Variants in RUNX2 observed in about 807,000 individuals in gnomAD.
The protein encoded by RUNX2 is runt-related transcription factor 2.
Under a neutral mutation model 51.7 loss-of-function variants are expected in RUNX2, and 10 were observed. The ratio of observed to expected loss-of-function variants is 0.19; its 90% CI spans 0.12 to 0.33. RUNX2 has a LOEUF of 0.33. RUNX2 is among the 10% of genes least tolerant of loss of function. The pLI, the probability that RUNX2 is intolerant of heterozygous loss-of-function variation, is 1.00. For missense variants in RUNX2, 562 were observed against 691.3 expected (o/e 0.81, Z 2.10); for synonymous variants, 276 against 273.6 (o/e 1.01, Z -0.09).
At chr6:45,399,811 G>A (rs184591207) in intron 2 of RUNX2, among the ~76,000 whole-genome samples, 5 of 149,002 alleles carry the variant, frequency 3.4e-5, no homozygotes, top group African/African-American at 1.2e-4. Flanking sequence ...AGGAAGGAGG[G>A]AGGGAAGTAA....
At chr6:45,344,461 T>C (rs1288766989) in intron 2 of RUNX2, among the ~76,000 whole-genome samples, 1 of 152,002 alleles carries the variant, frequency 6.6e-6, no homozygotes, top group Non-Finnish European at 1.5e-5. Flanking sequence ...CATGTCCAAA[T>C]GAGCAGTGCC....
Position 45,488,108 on chromosome 6 carries a change from A to C in RUNX2, c.686-3833A>C, listed in dbSNP as rs556763859. Among the ~76,000 whole-genome samples the C allele has an allele frequency of 2.6e-5, 4 of 152,292 alleles. No homozygotes were observed. In the South Asian group the frequency reaches 6.2e-4, roughly 24 times the overall value. ...GACAGATTTTCAGCTGCCCAGAGAG[A>C]AATGCTAGAGTCTTAGGCCAAGGTT... On this transcript the variant is annotated intron_variant, in intron 5 of 8. Coordinates refer to ENST00000647337, the MANE Select transcript of RUNX2 (RefSeq NM_001024630.4).
chr6:45,430,148 C>T (rs2088375531), intron 3 of RUNX2, among the ~76,000 whole-genome samples: 2 of 151,672 alleles, frequency 1.3e-5, no homozygotes, highest in Non-Finnish European at 2.9e-5. Context: ...CTTTTGGGAG[C>T]AGGGTTGATA....
intron 2 of RUNX2, among the ~76,000 whole-genome samples, chr6:45,401,840 G>A (rs1034872785): frequency 2.0e-5 from 3 of 152,212 alleles, no homozygotes; most frequent in Admixed American, 2.0e-4. Context: ...AGTTCAGATG[G>A]TTCTAGAACT....
chr6:45,413,060 T>C (rs1797985603), intron 2 of RUNX2, among the ~76,000 whole-genome samples: 1 of 152,108 alleles, frequency 6.6e-6, no homozygotes, highest in African/African-American at 2.4e-5. Context: ...GGGAACTGCC[T>C]CTTTTAAACT....
Position 45,328,640 on chromosome 6 carries a change from G to A in RUNX2, c.-66-21G>A, listed in dbSNP as rs771492855. ...ATACTGTAAAACTAAAACAAGGTTTGGGTATGGTTTGTATTTTCAGTTTAA... is the reference window on the plus strand; with the variant it reads ...ATACTGTAAAACTAAAACAAGGTTTAGGTATGGTTTGTATTTTCAGTTTAA... On this transcript the variant is annotated intron_variant, in intron 1 of 8. Transcript: ENST00000647337. 35 of 1,610,026 alleles carry A rather than the reference G, an allele frequency of 2.2e-5. 1 individual carries two copies. In the South Asian group the frequency reaches 3.4e-4, roughly 16 times the overall value.
intron 2 of RUNX2, among the ~76,000 whole-genome samples, chr6:45,330,711 T>G (rs755317996): frequency 6.6e-6 from 1 of 151,924 alleles, no homozygotes. Flanking sequence ...CAAGGCATGG[T>G]AGTGAACCTT....
chr6:45,420,716 G>A (rs981858381), intron 2 of RUNX2, among the ~76,000 whole-genome samples: 41 of 152,182 alleles, frequency 2.7e-4, no homozygotes, highest in African/African-American at 9.4e-4. Flanking sequence ...ACAACGCCGA[G>A]GGTAAAACGG....
chr6:45,348,405 G>A (rs1473086194), intron 2 of RUNX2, among the ~76,000 whole-genome samples: 5 of 150,860 alleles, frequency 3.3e-5, no homozygotes, highest in Non-Finnish European at 7.4e-5. Flanking sequence ...GGTGGCTCAC[G>A]CCTGTAATCC....
intron 5 of RUNX2, among the ~76,000 whole-genome samples, chr6:45,446,485 C>A (rs1041683874): frequency 2.6e-5 from 4 of 151,636 alleles, no homozygotes; most frequent in Admixed American, 1.3e-4. Flanking sequence ...TCCCCTCCCC[C>A]CCTTTTTTTG....
chr6:45,344,101 T>C (rs1365453861), intron 2 of RUNX2, among the ~76,000 whole-genome samples: 1 of 152,186 alleles, frequency 6.6e-6, no homozygotes, highest in Non-Finnish European at 1.5e-5. Context: ...GCAATTCAAA[T>C]TCCTTTTATT....
chr6:45,355,766 A>G (rs1453448540), intron 2 of RUNX2, among the ~76,000 whole-genome samples: 1 of 152,212 alleles, frequency 6.6e-6, no homozygotes, highest in East Asian at 1.9e-4. Context: ...AGGCAGAATA[A>G]AAAATACTAT....
chr6:45,406,753 T>G (rs1797843194), intron 2 of RUNX2, among the ~76,000 whole-genome samples: 1 of 152,194 alleles, frequency 6.6e-6, no homozygotes, highest in African/African-American at 2.4e-5. Context: ...AATTTTTATA[T>G]TATTTTGTGG....
At chr6:45,334,082 CT>C (rs1788058634) in intron 2 of RUNX2, among the ~76,000 whole-genome samples, 1 of 151,192 alleles carries the variant, frequency 6.6e-6, no homozygotes, top group Admixed American at 6.6e-5. Flanking sequence ...AGTTTAAAGA[CT>C]CTTTTATCTC....
chr6:45,477,157 C>T (rs553392950), intron 5 of RUNX2, among the ~76,000 whole-genome samples: 5 of 152,142 alleles, frequency 3.3e-5, no homozygotes, highest in Non-Finnish European at 5.9e-5. Context: ...GGGTTGTCTC[C>T]GCCACTGGCT....
At chr6:45,384,849 C>T (rs1797317201) in intron 2 of RUNX2, among the ~76,000 whole-genome samples, 1 of 151,298 alleles carries the variant, frequency 6.6e-6, no homozygotes, top group Non-Finnish European at 1.5e-5. Flanking sequence ...TACAGATGCA[C>T]ACCACCATAC....
At chr6:45,449,569 T>C (rs937885975) in intron 5 of RUNX2, among the ~76,000 whole-genome samples, 11 of 152,338 alleles carry the variant, frequency 7.2e-5, no homozygotes, top group Admixed American at 7.2e-4. Context: ...GTCAAGTCTG[T>C]GTAAGTGTTG....
chr6:45,391,260 C>T (rs377654275), intron 2 of RUNX2, among the ~76,000 whole-genome samples: 179 of 152,192 alleles, frequency 1.2e-3, no homozygotes, highest in African/African-American at 4.0e-3. Context: ...TGGCACCATC[C>T]CCTTGGTAAA....
intron 5 of RUNX2, among the ~76,000 whole-genome samples, chr6:45,459,464 G>GCA (rs2150385416): frequency 6.6e-6 from 1 of 152,292 alleles, no homozygotes; most frequent in South Asian, 2.1e-4. Context: ...GGAATATAAG[G>GCA]CACAAAGTTT....
Sources: gnomAD v4.1 joint callset for allele counts (sites outside exome capture counted in the v4.1 genomes callset) on GRCh38, gnomAD v4.1.1 for gene constraint, MANE v1.5 for transcripts, NCBI Gene and HGNC (gene_info 2026-07-23, HGNC 2026-07-21) for gene names.